STX8: variants seen among roughly 807,000 people sequenced by gnomAD.
STX8 encodes syntaxin-8.
A neutral mutation model predicts 37.5 loss-of-function variants in STX8; 23 were observed. The observed-to-expected ratio is 0.61, with a 90% CI of 0.44 to 0.87. The LOEUF (loss-of-function observed/expected upper bound fraction) is 0.87. STX8 is among the 40% of genes least tolerant of loss of function. STX8 has a pLI of 0.00. For missense variants in STX8, 313 were observed against 284.7 expected, an observed-to-expected ratio of 1.10 and a Z score of -0.71; for synonymous variants, 115 against 99.1, an observed-to-expected ratio of 1.16 and a Z score of -0.95.
At chr17:9,381,992 C>T (rs1911840137) in intron 6 of STX8, among the ~76,000 whole-genome samples, 1 of 151,946 alleles carries the variant, frequency 6.6e-6, no homozygotes, top group Admixed American at 6.5e-5. Flanking sequence ...AACAAACAAA[C>T]AAACAATGTC....
chr17:9,362,694 C>T (rs1007865600), intron 7 of STX8, among the ~76,000 whole-genome samples: 4 of 151,778 alleles, frequency 2.6e-5, no homozygotes, highest in Non-Finnish European at 5.9e-5. Context: ...TGGTGGCGGG[C>T]GCCTGTAGTC....
intron 6 of STX8, among the ~76,000 whole-genome samples, chr17:9,384,032 T>C (rs9911235): frequency 0.33 from 49,740 of 152,006 alleles, 10,203 homozygotes; most frequent in African/African-American, 0.59. Context: ...GGAACCCCCA[T>C]GCTGTTCTCC....
chr17:9,406,035 A>G (rs1306310624), intron 6 of STX8, among the ~76,000 whole-genome samples: 3 of 152,242 alleles, frequency 2.0e-5, no homozygotes, highest in East Asian at 1.9e-4. Context: ...ATTAAAAGGT[A>G]TAAGTGCAAG....
intron 6 of STX8, among the ~76,000 whole-genome samples, chr17:9,459,293 C>A (rs1324579491): frequency 1.3e-5 from 2 of 152,098 alleles, no homozygotes; most frequent in African/African-American, 2.4e-5. Flanking sequence ...AGAGCCTGGA[C>A]GAGGGCCCCC....
At chr17:9,453,079 T>G (rs1334236484) in intron 6 of STX8, among the ~76,000 whole-genome samples, 2 of 152,156 alleles carry the variant, frequency 1.3e-5, no homozygotes, top group Non-Finnish European at 2.9e-5. Context: ...GTGCTGGGAT[T>G]ACAGGCGTGA....
intron 6 of STX8, chr17:9,464,637 A>G (rs900764519): frequency 6.6e-6 from 1 of 152,128 alleles, no homozygotes; most frequent in Non-Finnish European, 1.5e-5. Flanking sequence ...TGAGCAGATC[A>G]TAAATGTTCA....
chr17:9,361,542 A>G (rs1911063879), intron 7 of STX8, among the ~76,000 whole-genome samples: 1 of 152,246 alleles, frequency 6.6e-6, no homozygotes. Flanking sequence ...ACTCACGGAC[A>G]GAACAATCAA....
At chr17:9,400,884 C>CA (rs1171562283) in intron 6 of STX8, among the ~76,000 whole-genome samples, 1 of 152,140 alleles carries the variant, frequency 6.6e-6, no homozygotes, top group Non-Finnish European at 1.5e-5. Flanking sequence ...CATTTGCTAA[C>CA]GTTTCCCCCC....
Position 9,274,678 on chromosome 17 carries a change from AAATAAT to A in STX8, c.644-24039_644-24034del, listed in dbSNP as rs57248368. On this transcript the variant is annotated intron_variant, in intron 7 of 7. Coordinates refer to ENST00000306357, the MANE Select transcript of STX8 (RefSeq NM_004853.3). ...GCAACAGTGTGAGACTCTGTCTCAA[AAATAAT>A]AATAATAATAATAATAATAATAATA... Among the ~76,000 whole-genome samples the A allele has an allele frequency of 1.9e-3, 208 of 106,702 alleles. 9 individuals are homozygous for A. The highest frequency in any genetic ancestry group is 5.1e-3 in the African/African-American group (160 of 31,594). 70.0% of individuals were successfully genotyped at this position (106,702 alleles called of 152,430 possible). A position where few individuals can be genotyped will look rare whatever the true frequency, so the allele number is the denominator to read the frequency against.
intron 7 of STX8, among the ~76,000 whole-genome samples, chr17:9,365,714 CTGTAA>C (rs1911209984): frequency 6.6e-6 from 1 of 152,268 alleles, no homozygotes; most frequent in South Asian, 2.1e-4. Flanking sequence ...TGGCTCACGC[CTGTAA>C]TCCCAGCACT....
chr17:9,415,870 T>C lies in STX8; in HGVS notation c.542-37217A>G, dbSNP rs142911857. 1.3e-3 allele frequency among the ~76,000 whole-genome samples: 201 copies of C among 152,360 alleles called. 2 individuals carry two copies. Among genetic ancestry groups the C allele is most frequent in the African/African-American group, 4.6e-3 (193 of 41,596 alleles). ...GTTCACCCAGCCTTTGAAACTCTCA[T>C]CTACAAATCCCAAAATAACATACTA... On this transcript the variant is annotated intron_variant, in intron 6 of 7. Transcript: ENST00000306357.
chr17:9,254,248 A>G (rs1206432596), intron 7 of STX8, among the ~76,000 whole-genome samples: 8 of 152,124 alleles, frequency 5.3e-5, no homozygotes, highest in African/African-American at 1.9e-4. Flanking sequence ...CCTGCCTCCC[A>G]GCTTCGACAC....
In STX8 at chr17:9,496,607, C is replaced by G. The variant is rs73973786; in HGVS notation, c.449-4686G>C. On this transcript the variant is annotated intron_variant, in intron 5 of 7. Coordinates refer to ENST00000306357, the MANE Select transcript of STX8 (RefSeq NM_004853.3). Reference sequence around the variant, plus strand: ...TTTAAGATGTCCATATCCTAATCCCCAGAAACTATGAATATGTTCCCTTAC... The same window carrying G: ...TTTAAGATGTCCATATCCTAATCCCGAGAAACTATGAATATGTTCCCTTAC... Among the ~76,000 whole-genome samples the G allele has an allele frequency of 4.9e-3, 743 of 152,296 alleles. 3 individuals carry two copies. The highest frequency in any genetic ancestry group is 0.017 in the African/African-American group (698 of 41,562).
At chr17:9,503,814 G>A (rs1169490358) in intron 5 of STX8, among the ~76,000 whole-genome samples, 2 of 152,162 alleles carry the variant, frequency 1.3e-5, no homozygotes, top group East Asian at 3.8e-4. Flanking sequence ...ACAGGCTGGA[G>A]TGCAGTGACA....
chr17:9,309,128 C>T (rs1365686405), intron 7 of STX8, among the ~76,000 whole-genome samples: 2 of 151,986 alleles, frequency 1.3e-5, no homozygotes, highest in African/African-American at 4.8e-5. Flanking sequence ...AAGAACCTTC[C>T]CCATTCTTCC....
intron 7 of STX8, among the ~76,000 whole-genome samples, chr17:9,327,744 C>T (rs1451085776): frequency 2.6e-5 from 4 of 152,172 alleles, no homozygotes; most frequent in South Asian, 4.1e-4. Flanking sequence ...GGTGCAATCA[C>T]GGCTCACTGC....
chr17:9,466,479 T>C (rs1369601757), intron 6 of STX8, among the ~76,000 whole-genome samples: 1 of 152,200 alleles, frequency 6.6e-6, no homozygotes, highest in Non-Finnish European at 1.5e-5. Flanking sequence ...AAGGCATTTT[T>C]GGCTCTTGAG....
intron 6 of STX8, among the ~76,000 whole-genome samples, chr17:9,451,807 A>C (rs2142403320): frequency 6.6e-6 from 1 of 152,300 alleles, no homozygotes; most frequent in East Asian, 1.9e-4. Context: ...AGAGAGAGAG[A>C]GAGATGGACA....
intron 7 of STX8, among the ~76,000 whole-genome samples, chr17:9,369,730 A>G (rs984175724): frequency 6.6e-6 from 1 of 151,160 alleles, no homozygotes; most frequent in Non-Finnish European, 1.5e-5. Context: ...TGTCTATAAA[A>G]AATAAAATAA....
Sources: gnomAD v4.1 joint callset for allele counts (sites outside exome capture counted in the v4.1 genomes callset) on GRCh38, gnomAD v4.1.1 for gene constraint, MANE v1.5 for transcripts, NCBI Gene and HGNC (gene_info 2026-07-23, HGNC 2026-07-21) for gene names.